The following KAZN variants were observed in gnomAD, a reference collection of about 807,000 sequenced individuals.
KAZN encodes the protein kazrin.
A neutral mutation model predicts 87.4 loss-of-function variants in KAZN; 40 were observed. The ratio of observed to expected loss-of-function variants is 0.46; its 90% CI spans 0.36 to 0.60. The LOEUF (loss-of-function observed/expected upper bound fraction) is 0.60. Ranked by LOEUF, KAZN falls within the 20% of genes least tolerant of loss-of-function variation. KAZN has a pLI of 0.00. For synonymous variants in KAZN, 466 were observed against 458.3 expected, an observed-to-expected ratio of 1.02 and a Z score of -0.22; for missense variants, 898 against 1,073.9, an observed-to-expected ratio of 0.84 and a Z score of 2.29.
At chr1:15,050,091 T>TCTCC (rs1674167340) in intron 4 of KAZN, among the ~76,000 whole-genome samples, 1 of 86,852 alleles carries the variant, frequency 1.2e-5, no homozygotes, top group African/African-American at 6.3e-5. Flanking sequence ...TACAGTAGAG[T>TCTCC]ACAGTAGAGT....
At chr1:14,186,024 G>A (rs1646298136) in intron 2 of KAZN, among the ~76,000 whole-genome samples, 1 of 152,126 alleles carries the variant, frequency 6.6e-6, no homozygotes, top group South Asian at 2.1e-4. Context: ...CTCTTACTTG[G>A]GGTGAGTGAT....
chr1:14,493,085 G>C (rs1280504294), intron 2 of KAZN, among the ~76,000 whole-genome samples: 3 of 152,060 alleles, frequency 2.0e-5, no homozygotes, highest in Admixed American at 2.0e-4. Context: ...CATCCACGCA[G>C]CCTTTCTGGA....
At chr1:13,957,486 G>A (rs1177766664) in intron 1 of KAZN, among the ~76,000 whole-genome samples, 1 of 152,162 alleles carries the variant, frequency 6.6e-6, no homozygotes, top group Non-Finnish European at 1.5e-5. Context: ...AGTCCATTTA[G>A]TGTTGCTATA....
chr1:14,439,478 C>T (rs1666580529), intron 2 of KAZN, among the ~76,000 whole-genome samples: 1 of 152,144 alleles, frequency 6.6e-6, no homozygotes, highest in South Asian at 2.1e-4. Flanking sequence ...CTCAAACTCT[C>T]CATAGCTCCC....
chr1:14,175,354 C>A (rs1439922913), intron 1 of KAZN, among the ~76,000 whole-genome samples: 1 of 152,204 alleles, frequency 6.6e-6, no homozygotes, highest in East Asian at 1.9e-4. Flanking sequence ...CCGCCCACCT[C>A]GGCCTCCCGA....
At chr1:14,210,973 A>G (rs1646841733) in intron 2 of KAZN, among the ~76,000 whole-genome samples, 1 of 145,880 alleles carries the variant, frequency 6.9e-6, no homozygotes, top group African/African-American at 2.4e-5. Context: ...TAAAAAGACA[A>G]TTAATCTCTT....
chr1:14,023,143 A>G (rs1444656604), intron 1 of KAZN, among the ~76,000 whole-genome samples: 1 of 151,972 alleles, frequency 6.6e-6, no homozygotes, highest in Non-Finnish European at 1.5e-5. Flanking sequence ...GCAAGATCCC[A>G]TCTCTACAAA....
intron 2 of KAZN, among the ~76,000 whole-genome samples, chr1:14,416,468 G>A (rs1474136446): frequency 6.6e-6 from 1 of 152,228 alleles, no homozygotes; most frequent in African/African-American, 2.4e-5. Flanking sequence ...TGGATGCAGT[G>A]GCTCATGCCT....
chr1:14,879,903 C>T (rs909625552), intron 1 of KAZN, among the ~76,000 whole-genome samples: 6 of 152,110 alleles, frequency 3.9e-5, no homozygotes, highest in African/African-American at 1.2e-4. Flanking sequence ...CTCACAACAA[C>T]GTCATAAGGG....
chr1:13,926,321 G>A (rs1179825504), intron 1 of KAZN, among the ~76,000 whole-genome samples: 1 of 152,168 alleles, frequency 6.6e-6, no homozygotes, highest in Non-Finnish European at 1.5e-5. Flanking sequence ...TCCCTGCTGG[G>A]AGAATAGGGG....
intron 1 of KAZN, among the ~76,000 whole-genome samples, chr1:14,956,921 C>G (rs147476735): frequency 6.6e-5 from 10 of 152,320 alleles, no homozygotes; most frequent in African/African-American, 2.4e-4. Context: ...CCTGGTCACT[C>G]AAGACCCTCC....
intron 1 of KAZN, among the ~76,000 whole-genome samples, chr1:14,067,602 G>A (rs749731234): frequency 6.6e-5 from 10 of 151,950 alleles, no homozygotes; most frequent in Admixed American, 3.9e-4. Context: ...CGCTTGTTAA[G>A]TGGTATTTGC....
chr1:14,839,511 G>A (rs1452923803), intron 1 of KAZN, among the ~76,000 whole-genome samples: 1 of 152,088 alleles, frequency 6.6e-6, no homozygotes, highest in Non-Finnish European at 1.5e-5. Context: ...ATGAGCTATT[G>A]GTATGATTGT....
intron 2 of KAZN, among the ~76,000 whole-genome samples, chr1:14,322,144 T>C (rs1258308957): frequency 6.6e-6 from 1 of 152,092 alleles, no homozygotes; most frequent in Non-Finnish European, 1.5e-5. Context: ...AAAAACCAAT[T>C]AGAAGACATG....
intron 10 of KAZN, among the ~76,000 whole-genome samples, chr1:15,100,436 C>T (rs971223652): frequency 6.6e-6 from 1 of 152,130 alleles, no homozygotes; most frequent in Non-Finnish European, 1.5e-5. Flanking sequence ...GGCTTCGTGG[C>T]CCCCTGCACC....
intron 2 of KAZN, among the ~76,000 whole-genome samples, chr1:14,427,809 G>C (rs1435645578): frequency 6.6e-6 from 1 of 152,162 alleles, no homozygotes; most frequent in Non-Finnish European, 1.5e-5. Flanking sequence ...ATTGTACTTA[G>C]TTTCTAGGTT....
At chr1:14,685,855 C>T (rs910971520) in intron 1 of KAZN, among the ~76,000 whole-genome samples, 2 of 152,150 alleles carry the variant, frequency 1.3e-5, no homozygotes, top group African/African-American at 4.8e-5. Context: ...ACAGCTATGG[C>T]TTCTGTGTGT....
chr1:14,765,214 T>C (rs1047118533), intron 1 of KAZN, among the ~76,000 whole-genome samples: 2 of 152,188 alleles, frequency 1.3e-5, no homozygotes, highest in Non-Finnish European at 2.9e-5. Context: ...ATTCTCCCCA[T>C]AGTATGACAA....
chr1:13,952,366 TAATAATAATA>T (rs1225897358), intron 1 of KAZN, among the ~76,000 whole-genome samples: 2,576 of 89,946 alleles, frequency 0.029, 38 homozygotes, highest in South Asian at 0.06. Flanking sequence ...ATAATAATAA[TAATAATAATA>T]ATATCAATAT....
Sources: allele counts gnomAD v4.1 joint callset (sites outside exome capture counted in the v4.1 genomes callset), GRCh38; gene constraint gnomAD v4.1.1; transcripts MANE v1.5; gene names NCBI Gene and HGNC (gene_info 2026-07-23, HGNC 2026-07-21).